The following WARS1 variants were observed in gnomAD, a reference collection of about 807,000 sequenced individuals.
WARS1 encodes the protein tryptophan--tRNA ligase, cytoplasmic.
Under a neutral mutation model 47.8 loss-of-function variants are expected in WARS1, and 17 were observed. The observed-to-expected ratio is 0.36, with a 90% CI of 0.24 to 0.53. The LOEUF is 0.53. WARS1 is among the 20% of genes least tolerant of loss of function. The pLI is 0.91. For synonymous variants in WARS1, 208 were observed against 228.1 expected (o/e 0.91, Z 0.79); for missense variants, 434 against 608.0 (o/e 0.71, Z 3.01).
chr14:100,345,557 C>T (rs1004872614), intron 7 of WARS1, among the ~76,000 whole-genome samples: 1 of 151,726 alleles, frequency 6.6e-6, no homozygotes, highest in African/African-American at 2.4e-5. Context: ...CTAGGAAAAC[C>T]AGAGACCTTT....
At chr14:100,350,399 G>GAAAAAAAAAAA (rs56393656) in intron 6 of WARS1, among the ~76,000 whole-genome samples, 9 of 112,146 alleles carry the variant, frequency 8.0e-5, no homozygotes, top group East Asian at 2.6e-4. Context: ...CTCAAAAAAA[G>GAAAAAAAAAAA]AAAAAAAAAA....
intron 2 of WARS1, among the ~76,000 whole-genome samples, chr14:100,364,847 T>C (rs1014805104): frequency 3.3e-5 from 5 of 152,244 alleles, no homozygotes; most frequent in Non-Finnish European, 5.9e-5. Flanking sequence ...GGGTCTTTTA[T>C]TTATTTTATA....
intron 9 of WARS1, among the ~76,000 whole-genome samples, chr14:100,341,530 C>CTGGG: frequency 6.6e-6 from 1 of 152,180 alleles, no homozygotes; most frequent in Admixed American, 6.5e-5. Context: ...ATTCCCACTG[C>CTGGG]AATCTTCTAG....
chr14:100,344,979 G>A (rs1359196214), intron 7 of WARS1, among the ~76,000 whole-genome samples: 16 of 148,852 alleles, frequency 1.1e-4, no homozygotes, highest in Non-Finnish European at 2.2e-4. Context: ...CCGGCCAGCC[G>A]CCCCGTCCGG....
intron 2 of WARS1, chr14:100,368,478 C>A (rs747089440): frequency 4.4e-6 from 2 of 455,924 alleles, no homozygotes; most frequent in South Asian, 3.1e-5. Flanking sequence ...TGAAAATCAA[C>A]AAGGAACAAT....
chr14:100,334,963 G>A lies in WARS1; in HGVS notation c.1328C>T (p.Ala443Val). The A allele has an allele frequency of 6.2e-7, 1 of 1,614,154 alleles. No homozygotes were observed. Among genetic ancestry groups the A allele is most frequent in the South Asian group, 1.1e-5 (1 of 91,076 alleles). Residue 443 changes from alanine to valine, a missense_variant, in exon 11 of 11, where the codon GCA (alanine) becomes GTA (valine). This residue lies in a region of WARS1 where 347 missense variants were observed against 523.8 expected (regional missense o/e 0.66). Coordinates refer to ENST00000392882, the MANE Select transcript of WARS1 (RefSeq NM_004184.4). ...CTCCTTGCGCCGGGCCTGGTGCTCT[G>A]CGATCAAGGGCTGCAGAACCTCTAT... Reference protein sequence around the residue: ...ALIEVLQPLIAEHQARRKEVT... With the variant: ...ALIEVLQPLIVEHQARRKEVT...
Position 100,341,780 on chromosome 14 carries a change from C to T in WARS1, c.1113+618G>A, listed in dbSNP as rs186531737. Among the ~76,000 whole-genome samples, 8 of 152,324 alleles carry T rather than the reference C, an allele frequency of 5.3e-5. No homozygotes were observed. The East Asian group carries it at 1.3e-3, about 26-fold the overall frequency. On this transcript the variant is annotated intron_variant, in intron 9 of 10. Transcript: ENST00000392882. ...ACTGTCCCGTGGATGGACGTTTCTCCGTTCTATGTCTCTCAGTGAGAACGC... is the reference window on the plus strand; with the variant it reads ...ACTGTCCCGTGGATGGACGTTTCTCTGTTCTATGTCTCTCAGTGAGAACGC...
At chr14:100,342,840 G>T (rs1894266431) in intron 8 of WARS1, among the ~76,000 whole-genome samples, 1 of 151,828 alleles carries the variant, frequency 6.6e-6, no homozygotes, top group Admixed American at 6.6e-5. Context: ...TAGGTTTTAA[G>T]CCCCGCATGC....
In WARS1 at chr14:100,344,682, G is replaced by A. The variant is rs867587026; in HGVS notation, c.827-1295C>T. Among the ~76,000 whole-genome samples the A allele has an allele frequency of 7.3e-3, 1,110 of 151,462 alleles. 8 individuals carry two copies. Among genetic ancestry groups the A allele is most frequent in the Middle Eastern group, 0.014 (4 of 292 alleles). On this transcript the variant is annotated intron_variant, in intron 7 of 10. Coordinates refer to ENST00000392882, the MANE Select transcript of WARS1 (RefSeq NM_004184.4). ...CCATCCCATCTAGGAAGTGAGGAGT[G>A]TCTCTGCCCGGCCGCCCATCGTCTG...
rs59205319 is a variant in WARS1 at position 100,365,124 on chromosome 14, T to TACACACACACACACAC, written c.100-3219_100-3204dup. ...AAGAGCGAGACCCTGTCTCAAAAAATACACACACACACACACACACACACA... is the reference window on the plus strand; with the variant it reads ...AAGAGCGAGACCCTGTCTCAAAAAATACACACACACACACACACACACACACACACACACACACACA... On this transcript the variant is annotated intron_variant, in intron 2 of 10. Coordinates refer to ENST00000392882, the MANE Select transcript of WARS1 (RefSeq NM_004184.4). 1.6e-3 allele frequency among the ~76,000 whole-genome samples: 219 copies of TACACACACACACACAC among 137,824 alleles called. 2 individuals are homozygous for TACACACACACACACAC. Among genetic ancestry groups the TACACACACACACACAC allele is most frequent in the Middle Eastern group, 3.6e-3 (1 of 278 alleles). 90.4% of individuals were successfully genotyped at this position (137,824 alleles called of 152,430 possible).
intron 9 of WARS1, among the ~76,000 whole-genome samples, chr14:100,339,427 C>A (rs577249415): frequency 6.6e-5 from 10 of 151,628 alleles, no homozygotes; most frequent in South Asian, 2.1e-4. Flanking sequence ...CCGTCTCTAC[C>A]AAAATACAAA....
intron 7 of WARS1, among the ~76,000 whole-genome samples, chr14:100,344,406 G>A (rs1450801573): frequency 6.6e-6 from 1 of 152,186 alleles, no homozygotes; most frequent in African/African-American, 2.4e-5. Flanking sequence ...CCAGGCTGGA[G>A]TGCAGTGGTG....
intron 9 of WARS1, among the ~76,000 whole-genome samples, chr14:100,339,147 AG>A (rs983837266): frequency 1.1e-4 from 17 of 151,654 alleles, no homozygotes; most frequent in Non-Finnish European, 2.2e-4. Context: ...ACACACACAC[AG>A]AATTCTAGAG....
At chr14:100,349,105 C>T (rs1425616806) in intron 6 of WARS1, among the ~76,000 whole-genome samples, 1 of 152,166 alleles carries the variant, frequency 6.6e-6, no homozygotes, top group Non-Finnish European at 1.5e-5. Context: ...AGGGAGGGCA[C>T]CTGCTTTTCA....
chr14:100,348,759 A>G (rs1253766501), intron 6 of WARS1, among the ~76,000 whole-genome samples: 1 of 152,114 alleles, frequency 6.6e-6, no homozygotes, highest in East Asian at 1.9e-4. Context: ...TAACCCCTAC[A>G]AGGAGGGAAA....
At chr14:100,340,902 TTTC>T (rs1418048716) in intron 9 of WARS1, among the ~76,000 whole-genome samples, 1 of 148,500 alleles carries the variant, frequency 6.7e-6, no homozygotes, top group Non-Finnish European at 1.5e-5. Context: ...TAAACAAGTT[TTTC>T]TTTTTTCTTT....
intron 7 of WARS1, among the ~76,000 whole-genome samples, chr14:100,345,050 C>CCAGCCGCCCCGTCCGGGAGGGAAGTTGG (rs1894485756): frequency 5.5e-5 from 1 of 18,148 alleles, no homozygotes; most frequent in Admixed American, 1.2e-3. Flanking sequence ...AGGGAGGTGG[C>CCAGCCGCCCCGTCCGGGAGGGAAGTTGG]GGGGTCAGCC....
At chr14:100,341,024 C>T (rs1411409640) in intron 9 of WARS1, among the ~76,000 whole-genome samples, 1 of 150,926 alleles carries the variant, frequency 6.6e-6, no homozygotes, top group Non-Finnish European at 1.5e-5. Context: ...AAACAATTCT[C>T]CTGCCTCAGC....
intron 7 of WARS1, 39 bp from the exon 8 acceptor site, chr14:100,343,426 T>G: frequency 2.5e-4 from 336 of 1,332,426 alleles, no homozygotes; most frequent in Non-Finnish European, 3.2e-4. Flanking sequence ...GTGAGATGAG[T>G]TCCTGTTCTG....
Sources: allele counts gnomAD v4.1 joint callset (sites outside exome capture counted in the v4.1 genomes callset), GRCh38; gene constraint gnomAD v4.1.1; regional missense constraint gnomAD v4.1.1; transcripts MANE v1.5; gene names NCBI Gene and HGNC (gene_info 2026-07-23, HGNC 2026-07-21).